The following ST6GALNAC3 variants were observed in gnomAD, a reference collection of about 807,000 sequenced individuals.
ST6GALNAC3 encodes alpha-N-acetylgalactosaminide alpha-2,6-sialyltransferase 3.
A neutral mutation model predicts 32.7 loss-of-function variants in ST6GALNAC3; 25 were observed. The observed-to-expected ratio is 0.76, with a 90% CI of 0.56 to 1.07. The LOEUF is 1.07. ST6GALNAC3 is among the 50% of genes least tolerant of loss of function. The probability of loss-of-function intolerance (pLI) is 0.00; values close to 1 mark genes in which losing one functional copy is unlikely to be tolerated. For synonymous variants in ST6GALNAC3, 129 were observed against 133.1 expected (o/e 0.97, Z 0.21); for missense variants, 355 against 382.4 (o/e 0.93, Z 0.60).
intron 3 of ST6GALNAC3, among the ~76,000 whole-genome samples, chr1:76,526,769 T>C (rs572283148): frequency 6.6e-6 from 1 of 152,254 alleles, no homozygotes; most frequent in Non-Finnish European, 1.5e-5. Flanking sequence ...AAAAATATGA[T>C]CCTTTTTGCT....
At chr1:76,396,493 C>T (rs1019916996) in intron 2 of ST6GALNAC3, among the ~76,000 whole-genome samples, 5 of 152,128 alleles carry the variant, frequency 3.3e-5, no homozygotes, top group Middle Eastern at 3.4e-3. Flanking sequence ...AATGACCAAT[C>T]CACTTCTTAT....
At chr1:76,473,135 C>T (rs1462031099) in intron 3 of ST6GALNAC3, among the ~76,000 whole-genome samples, 2 of 152,044 alleles carry the variant, frequency 1.3e-5, no homozygotes, top group African/African-American at 2.4e-5. Context: ...AAGGATTGAA[C>T]CCTAACAGCT....
In ST6GALNAC3 at chr1:76,629,118, A is replaced by G; in HGVS notation, c.*312A>G. 3 of 1,103,340 alleles carry G rather than the reference A, an allele frequency of 2.7e-6. No homozygotes were observed. The highest frequency in any genetic ancestry group is 3.3e-6 in the Non-Finnish European group (3 of 906,862). The allele number at this position is 1,103,340 out of a possible 1,614,324, so 68.3% of individuals were successfully genotyped here. On this transcript the variant is annotated 3_prime_UTR_variant, in exon 5 of 5. Coordinates refer to ENST00000328299, the MANE Select transcript of ST6GALNAC3 (RefSeq NM_152996.4). Reference sequence around the variant, plus strand: ...CTAAGAAATGGGAAGATTATCTTTCAAGATAGCTGCCTAGAATTGTTCAAC... The same window carrying G: ...CTAAGAAATGGGAAGATTATCTTTCGAGATAGCTGCCTAGAATTGTTCAAC...
intron 1 of ST6GALNAC3, among the ~76,000 whole-genome samples, chr1:76,178,594 G>A (rs1329443985): frequency 1.3e-5 from 2 of 152,164 alleles, no homozygotes; most frequent in Non-Finnish European, 2.9e-5. Context: ...CTGATGTACA[G>A]CCGGGTATGA....
At chr1:76,624,656 C>A (rs925866835) in intron 3 of ST6GALNAC3, among the ~76,000 whole-genome samples, 1 of 151,696 alleles carries the variant, frequency 6.6e-6, no homozygotes, top group Non-Finnish European at 1.5e-5. Context: ...TTTTTTCTCA[C>A]TCAAATTCAC....
intron 3 of ST6GALNAC3, among the ~76,000 whole-genome samples, chr1:76,587,228 C>A (rs898913542): frequency 6.6e-6 from 1 of 152,144 alleles, no homozygotes; most frequent in Non-Finnish European, 1.5e-5. Flanking sequence ...TGTTTGATAA[C>A]ATGACACCGA....
At chr1:76,156,221 G>A (rs1376918712) in intron 1 of ST6GALNAC3, among the ~76,000 whole-genome samples, 1 of 151,896 alleles carries the variant, frequency 6.6e-6, no homozygotes, top group Non-Finnish European at 1.5e-5. Flanking sequence ...ATTTAACGTT[G>A]TAGATGTTGA....
At chr1:76,413,531 T>C (rs1654412375) in intron 3 of ST6GALNAC3, among the ~76,000 whole-genome samples, 1 of 152,164 alleles carries the variant, frequency 6.6e-6, no homozygotes, top group Admixed American at 6.5e-5. Flanking sequence ...CTGGATGTAA[T>C]TTGAATGCTG....
intron 3 of ST6GALNAC3, among the ~76,000 whole-genome samples, chr1:76,575,832 T>C (rs1646795481): frequency 6.7e-6 from 1 of 149,652 alleles, no homozygotes; most frequent in South Asian, 2.1e-4. Flanking sequence ...CCAGATTTTC[T>C]TTTTTTTTAA....
chr1:76,437,573 T>C (rs11581788), intron 3 of ST6GALNAC3, among the ~76,000 whole-genome samples: 58,145 of 134,894 alleles, frequency 0.43, 12,141 homozygotes, highest in Middle Eastern at 0.58. Context: ...TTCTTTCTTT[T>C]TTTTTTCTCT....
intron 3 of ST6GALNAC3, among the ~76,000 whole-genome samples, chr1:76,424,382 A>T (rs906892662): frequency 6.6e-6 from 1 of 151,860 alleles, no homozygotes; most frequent in African/African-American, 2.4e-5. Flanking sequence ...TAACTGGTTC[A>T]TCATATTTCC....
intron 1 of ST6GALNAC3, among the ~76,000 whole-genome samples, chr1:76,127,335 A>G (rs367563336): frequency 5.1e-4 from 77 of 152,310 alleles, no homozygotes; most frequent in Middle Eastern, 3.4e-3. Context: ...TACTGTGTCT[A>G]CTTTGGCTTA....
intron 2 of ST6GALNAC3, among the ~76,000 whole-genome samples, chr1:76,397,129 C>T (rs948305873): frequency 1.3e-5 from 2 of 151,846 alleles, no homozygotes; most frequent in Admixed American, 6.6e-5. Flanking sequence ...ATTACCATAG[C>T]AGTAAAGGAA....
chr1:76,247,380 C>G (rs1460937183), intron 1 of ST6GALNAC3, among the ~76,000 whole-genome samples: 1 of 152,192 alleles, frequency 6.6e-6, no homozygotes, highest in Non-Finnish European at 1.5e-5. Flanking sequence ...TTAGAGCCGG[C>G]AGGCAGGAGA....
intron 2 of ST6GALNAC3, among the ~76,000 whole-genome samples, chr1:76,322,964 C>A (rs1646998312): frequency 1.3e-5 from 2 of 152,102 alleles, no homozygotes; most frequent in Admixed American, 1.3e-4. Flanking sequence ...CCTCAGCCTC[C>A]CGAGTAGCTG....
At chr1:76,433,079 C>T (rs1006591618) in intron 3 of ST6GALNAC3, among the ~76,000 whole-genome samples, 1 of 152,052 alleles carries the variant, frequency 6.6e-6, no homozygotes, top group Non-Finnish European at 1.5e-5. Flanking sequence ...TTCTCTGTAT[C>T]TCTTTGTTCT....
intron 1 of ST6GALNAC3, among the ~76,000 whole-genome samples, chr1:76,134,471 A>AGAG (rs1649811890): frequency 6.6e-6 from 1 of 152,224 alleles, no homozygotes; most frequent in Admixed American, 6.5e-5. Flanking sequence ...ACATTCTGTC[A>AGAG]CTGCCATGCT....
At chr1:76,389,896 C>G (rs1652400048) in intron 2 of ST6GALNAC3, among the ~76,000 whole-genome samples, 1 of 152,006 alleles carries the variant, frequency 6.6e-6, no homozygotes. Flanking sequence ...ATTATTACGC[C>G]TTTTTTGGTA....
chr1:76,146,818 G>A (rs777891045), intron 1 of ST6GALNAC3, among the ~76,000 whole-genome samples: 1 of 152,182 alleles, frequency 6.6e-6, no homozygotes, highest in African/African-American at 2.4e-5. Flanking sequence ...GCCAGGAGGG[G>A]TTGGGTGGTT....
Sources: gnomAD v4.1 joint callset for allele counts (sites outside exome capture counted in the v4.1 genomes callset) on GRCh38, gnomAD v4.1.1 for gene constraint, MANE v1.5 for transcripts, NCBI Gene and HGNC (gene_info 2026-07-23, HGNC 2026-07-21) for gene names.